ODC1: variants seen among roughly 807,000 people sequenced by gnomAD.
The protein encoded by ODC1 is ornithine decarboxylase 1, also known as ornithine decarboxylase.
In ODC1, 18 loss-of-function variants were observed where a neutral mutation model predicts 41.5. The observed-to-expected ratio is 0.43, with a 90% CI of 0.30 to 0.64. The LOEUF (loss-of-function observed/expected upper bound fraction) is 0.64, where lower values mean the gene tolerates loss of function less well. Among genes scored for constraint, ODC1 ranks in the 30% least tolerant of loss-of-function variants. The probability of loss-of-function intolerance (pLI) is 0.11; values close to 1 mark genes in which losing one functional copy is unlikely to be tolerated. For synonymous variants in ODC1, 218 were observed against 211.6 expected (o/e 1.03, Z -0.26); for missense variants, 504 against 589.0 (o/e 0.86, Z 1.49).
intron 8 of ODC1, among the ~76,000 whole-genome samples, chr2:10,442,815 A>T (rs1397231529): frequency 6.6e-6 from 1 of 151,794 alleles, no homozygotes; most frequent in Non-Finnish European, 1.5e-5. Context: ...GGCTCAAGTG[A>T]TCCTCCCACC....
chr2:10,445,027 G>A lies in ODC1; in HGVS notation c.6C>T (p.Asn2=). M[N]NFGNEEFDCH... ...AGTCAAACTCTTCATTACCAAAGTT[G>A]TTCATGATTTCTTGATGTTCCTCTG... Residue 2 remains asparagine, a synonymous_variant, in exon 3 of 12, where the codon AAC becomes AAT. Coordinates refer to ENST00000234111, the MANE Select transcript of ODC1 (RefSeq NM_002539.3). 6.2e-7 allele frequency: 1 copy of A among 1,607,776 alleles called. No individual in the cohort carries two copies. Among genetic ancestry groups the A allele is most frequent in the Non-Finnish European group, 8.5e-7 (1 of 1,174,330 alleles).
Position 10,441,634 on chromosome 2 carries a change from C to T in ODC1, c.1116G>A (p.Leu372=). ...TCCAATCACCCACATGCATTTCAGGCAGGTCACAGCGCTCAACAATCCGAT... is the reference window on the plus strand; with the variant it reads ...TCCAATCACCCACATGCATTTCAGGTAGGTCACAGCGCTCAACAATCCGAT... The part of the protein sequence containing the change: ...GLDRIVERCD[L]PEMHVGDWML... Residue 372 remains leucine (L), a synonymous_variant, in exon 11 of 12, where the codon CTG becomes CTA. Coordinates refer to ENST00000234111, the MANE Select transcript of ODC1 (RefSeq NM_002539.3). 1 of 1,614,234 alleles carries T rather than the reference C, an allele frequency of 6.2e-7. No individual in the cohort carries two copies. The highest frequency in any genetic ancestry group is 1.1e-5 in the South Asian group (1 of 91,086).
At chr2:10,447,597 A>G (rs1178604508) in intron 1 of ODC1, 1 of 152,252 alleles carries the variant, frequency 6.6e-6, no homozygotes, top group Non-Finnish European at 1.5e-5. Flanking sequence ...TATCACAGCT[A>G]CTACAGCAAG....
At position 10,446,080 on chromosome 2, in the gene ODC1, A is replaced by G. The variant is rs373354898; in HGVS notation, c.-127-816T>C. Among the ~76,000 whole-genome samples, 16 of 152,060 alleles carry G rather than the reference A, an allele frequency of 1.1e-4. No homozygotes were observed. The East Asian group carries it at 1.2e-3, about 11-fold the overall frequency. Reference sequence around the variant, plus strand: ...TACTTCTTAAAAACTGTAATCTTCAAGTCAACTTATCACATTGTATTACAG... The same window carrying G: ...TACTTCTTAAAAACTGTAATCTTCAGGTCAACTTATCACATTGTATTACAG... On this transcript the variant is annotated intron_variant, in intron 1 of 11. Transcript: ENST00000234111.
Position 10,440,683 on chromosome 2 carries a change from A to G in ODC1, c.*41T>C. The stretch of plus-strand genomic sequence containing the variant: ...TTACATGGTCCCCCCAAATCCCTTA[A>G]TTCAAGCTAAACTTGCAGTTAACAG... On this transcript the variant is annotated 3_prime_UTR_variant, in exon 12 of 12. Transcript: ENST00000234111. The G allele has an allele frequency of 2.5e-6, 4 of 1,597,942 alleles. No individual in the cohort carries two copies. The South Asian group carries it at 4.5e-5, about 18-fold the overall frequency.
Position 10,444,081 on chromosome 2 carries a change from G to C in ODC1, c.449+14C>G. 2 of 1,570,106 alleles carry C rather than the reference G, an allele frequency of 1.3e-6. No individual in the cohort carries two copies. On this transcript the variant is annotated intron_variant, in intron 5 of 11. Coordinates refer to ENST00000234111, the MANE Select transcript of ODC1 (RefSeq NM_002539.3). ...ATGCTCCCGATCTTGCCCTCAGATG[G>C]GGGAATAACTCACTTTGCTTTGGGA...
chr2:10,443,439 G>A, intron 7 of ODC1, 51 bp downstream of exon 7: 1 of 1,579,156 alleles, frequency 6.3e-7, no homozygotes, highest in Middle Eastern at 1.7e-4. Context: ...ATTAAGACTA[G>A]TTATTGTCAG....
intron 1 of ODC1, among the ~76,000 whole-genome samples, chr2:10,446,383 G>A (rs573755335): frequency 5.3e-5 from 8 of 152,014 alleles, no homozygotes; most frequent in South Asian, 2.1e-4. Flanking sequence ...CAGGTGATCC[G>A]CCTGCCTCAG....
In ODC1 at chr2:10,448,300, G is replaced by C; in HGVS notation, c.-307C>G. Reference sequence around the variant, plus strand: ...TGCTGGCAGAGGGGCGGCGGGCGGCGGCGGCGGCGGCTACAGGAGGGACTG... The same window carrying C: ...TGCTGGCAGAGGGGCGGCGGGCGGCCGCGGCGGCGGCTACAGGAGGGACTG... On this transcript the variant is annotated 5_prime_UTR_variant, in exon 1 of 12. Coordinates refer to ENST00000234111, the MANE Select transcript of ODC1 (RefSeq NM_002539.3). The C allele has an allele frequency of 1.2e-5, 3 of 253,124 alleles. No individual in the cohort carries two copies. Among genetic ancestry groups the C allele is most frequent in the Non-Finnish European group, 2.2e-5 (3 of 133,436 alleles). 15.7% of individuals were successfully genotyped at this position (253,124 alleles called of 1,614,324 possible).
rs140096943 is a variant in ODC1 at position 10,444,990 on chromosome 2, C to T, written c.43G>A (p.Asp15Asn). Residue 15 changes from aspartate to asparagine, a missense_variant, in exon 3 of 12, where the codon GAT (aspartate) becomes AAT (asparagine). Asp to Asn is a conservative substitution (Grantham distance 23, BLOSUM62 1). Transcript: ENST00000234111. Reference protein sequence around the residue: ...GNEEFDCHFLDEGFTAKDILD... With the variant: ...GNEEFDCHFLNEGFTAKDILD... ...ATGTCCTTGGCAGTAAAACCTTCAT[C>T]GAGGAAGTGGCAGTCAAACTCTTCA... The T allele has an allele frequency of 1.1e-5, 17 of 1,613,910 alleles. No individual in the cohort carries two copies. Among genetic ancestry groups the T allele is most frequent in the African/African-American group, 9.3e-5 (7 of 75,032 alleles).
rs774034352 is a variant in ODC1, at chr2:10,444,299, T to G, written c.277-32A>C. The G allele has an allele frequency of 2.6e-6, 4 of 1,550,510 alleles. No individual in the cohort carries two copies. In the Admixed American group the frequency reaches 8.2e-5, roughly 32 times the overall value. ...AAGAAGAGTGGTGTCATGCTATCCA[T>G]ATGTGGCTTAACACGTGGAATAAAC... On this transcript the variant is annotated intron_variant, in intron 4 of 11. Transcript: ENST00000234111.
At position 10,442,145 on chromosome 2, in the gene ODC1, G is replaced by T; in HGVS notation, c.780C>A (p.Asp260Glu). Residue 260 changes from aspartate (D) to glutamate (E), a missense_variant, in exon 9 of 12, where the codon GAC becomes GAA. Asp to Glu is a conservative substitution (Grantham distance 45). Around this residue, in one of 3 missense-constraint regions of ODC1, gnomAD observed 447 missense variants for 524.4 expected, o/e 0.85. Transcript: ENST00000234111. ...EITGVINPAL[D>E]KYFPSDSGVR... ...CTCCAGAGTCTGACGGAAAGTATTT[G>T]TCCAACGCTGGGTTGATTACGCCGG... 10 of 1,612,638 alleles carry T rather than the reference G, an allele frequency of 6.2e-6. No individual in the cohort carries two copies. Among genetic ancestry groups the T allele is most frequent in the East Asian group, 2.2e-5 (1 of 44,876 alleles).
At chr2:10,442,816 T>TC (rs1558549662) in intron 8 of ODC1, among the ~76,000 whole-genome samples, 1 of 152,164 alleles carries the variant, frequency 6.6e-6, no homozygotes, top group African/African-American at 2.4e-5. Flanking sequence ...GCTCAAGTGA[T>TC]CCTCCCACCT....
intron 11 of ODC1, among the ~76,000 whole-genome samples, 155 bp from the exon 12 acceptor site, chr2:10,441,023 C>T (rs1423707573): frequency 6.6e-6 from 1 of 151,910 alleles, no homozygotes; most frequent in East Asian, 1.9e-4. Flanking sequence ...ATGGTGCTAT[C>T]ATAGCTCACC....
chr2:10,446,006 G>C (rs1671999894), intron 1 of ODC1, among the ~76,000 whole-genome samples: 1 of 152,156 alleles, frequency 6.6e-6, no homozygotes, highest in African/African-American at 2.4e-5. Flanking sequence ...GGAAATGTCT[G>C]GAGCATTTGA....
chr2:10,445,057 G>GC lies in ODC1; in HGVS notation c.-17-9dup. ...TGATTTCTTGATGTTCCTCTGAAATGCAACAAAATGCAAATAGAGTGGAGA... is the reference window on the plus strand; with the variant it reads ...TGATTTCTTGATGTTCCTCTGAAATGCCAACAAAATGCAAATAGAGTGGAGA... On this transcript the variant is annotated splice_polypyrimidine_tract_variant and intron_variant, in intron 2 of 11. Coordinates refer to ENST00000234111, the MANE Select transcript of ODC1 (RefSeq NM_002539.3). 3 of 1,405,852 alleles carry GC rather than the reference G, an allele frequency of 2.1e-6. No homozygotes were observed. Among genetic ancestry groups the GC allele is most frequent in the Non-Finnish European group, 3.0e-6 (3 of 990,196 alleles). 87.1% of individuals were successfully genotyped at this position (1,405,852 alleles called of 1,614,324 possible). A position where few individuals can be genotyped will look rare whatever the true frequency, so the allele number is the denominator to read the frequency against.
Position 10,440,139 on chromosome 2 carries a change from G to C in ODC1, c.*585C>G, listed in dbSNP as rs966630861. ...CCTGGGCACTGGCCTGGACAGGACA[G>C]GTCCGTCAGACTTAAGTAGGTCCCA... On this transcript the variant is annotated 3_prime_UTR_variant, in exon 12 of 12. Coordinates refer to ENST00000234111, the MANE Select transcript of ODC1 (RefSeq NM_002539.3). 6.5e-6 allele frequency: 1 copy of C among 152,794 alleles called. No homozygotes were observed. The highest frequency in any genetic ancestry group is 2.4e-5 in the African/African-American group (1 of 41,462). 9.5% of individuals were successfully genotyped at this position (152,794 alleles called of 1,614,324 possible).
Position 10,441,529 on chromosome 2 carries a change from ATAG to A in ODC1, c.1218_1220del (p.Tyr407del), listed in dbSNP as rs762644161. On this transcript the variant is annotated inframe_deletion, in exon 11 of 12. Coordinates refer to ENST00000234111, the MANE Select transcript of ODC1 (RefSeq NM_002539.3). Reference sequence around the variant, plus strand: ...CTTACCACGCAGGCCCTGACATCACATAGTAGATCGTCGGCCTCTGGAAGCCAT... The same window carrying A: ...CTTACCACGCAGGCCCTGACATCACATAGATCGTCGGCCTCTGGAAGCCAT... 3.1e-6 allele frequency: 5 copies of A among 1,613,966 alleles called. No individual in the cohort carries two copies. Among genetic ancestry groups the A allele is most frequent in the Admixed American group, 1.7e-5 (1 of 59,972 alleles).
At position 10,444,981 on chromosome 2, in the gene ODC1, A is replaced by C. The variant is rs1348573546; in HGVS notation, c.52T>G (p.Phe18Val). 1 of 1,614,024 alleles carries C rather than the reference A, an allele frequency of 6.2e-7. No homozygotes were observed. ...EFDCHFLDEG[F>V]TAKDILDQKI... ...TGGTCCAGAATGTCCTTGGCAGTAA[A>C]ACCTTCATCGAGGAAGTGGCAGTCA... The change falls in exon 3 of 12, where the codon TTT becomes GTT. Residue 18 changes from phenylalanine (F) to valine (V), a missense_variant. Phe to Val is a conservative substitution (Grantham distance 50, BLOSUM62 -1). This residue lies in a region of ODC1 where 53 missense variants were observed against 46.3 expected (regional missense o/e 1.14). Coordinates refer to ENST00000234111, the MANE Select transcript of ODC1 (RefSeq NM_002539.3).
Sources: gnomAD v4.1 joint callset for allele counts (sites outside exome capture counted in the v4.1 genomes callset) on GRCh38, gnomAD v4.1.1 for gene constraint, gnomAD v4.1.1 regional missense constraint, MANE v1.5 for transcripts, NCBI Gene and HGNC (gene_info 2026-07-23, HGNC 2026-07-21) for gene names.